The following LRRC4C variants were observed in gnomAD, a reference collection of about 807,000 sequenced individuals.
The protein encoded by LRRC4C is leucine-rich repeat-containing protein 4C.
LRRC4C carries 5 observed loss-of-function variants against 33.6 expected under a neutral mutation model. The observed-to-expected ratio is 0.15, with a 90% CI of 0.08 to 0.31. LRRC4C has a LOEUF of 0.31. Ranked by LOEUF, LRRC4C falls within the 10% of genes least tolerant of loss-of-function variation. The pLI, the probability that LRRC4C is intolerant of heterozygous loss-of-function variation, is 1.00. For missense variants in LRRC4C, 560 were observed against 796.7 expected (o/e 0.70, Z 3.58); for synonymous variants, 329 against 302.0 (o/e 1.09, Z -0.93).
rs183405675 is a variant in LRRC4C, at chr11:41,418,914, C to A, written c.-496+40517G>T. On this transcript the variant is annotated intron_variant, in intron 1 of 6. Transcript: ENST00000528697. ...GTATGAATTTTAAATATTACCTTCACAAGTGAAAGTAGAGGAAAGCTGGTA... is the reference window on the plus strand; with the variant it reads ...GTATGAATTTTAAATATTACCTTCAAAAGTGAAAGTAGAGGAAAGCTGGTA... Among the ~76,000 whole-genome samples the A allele has an allele frequency of 2.6e-4, 39 of 151,820 alleles. 1 individual carries two copies. The highest frequency in any genetic ancestry group is 2.0e-3 in the Admixed American group (30 of 15,194).
chr11:40,224,976 C>T (rs1799275267), intron 5 of LRRC4C, among the ~76,000 whole-genome samples: 2 of 152,134 alleles, frequency 1.3e-5, no homozygotes. Context: ...AGAGTTACTA[C>T]AATAACCCAT....
At chr11:40,716,221 T>C (rs1323577585) in intron 2 of LRRC4C, among the ~76,000 whole-genome samples, 1 of 152,184 alleles carries the variant, frequency 6.6e-6, no homozygotes, top group African/African-American at 2.4e-5. Context: ...TGGAGAAAGA[T>C]AGGCATGGGT....
intron 2 of LRRC4C, among the ~76,000 whole-genome samples, chr11:40,827,231 T>A (rs907162317): frequency 6.6e-6 from 1 of 151,876 alleles, no homozygotes; most frequent in African/African-American, 2.4e-5. Context: ...TCCATTTTAG[T>A]TGTATAAATG....
chr11:40,952,894 ACACTCTCTCTCT>A (rs1387727952), intron 1 of LRRC4C, among the ~76,000 whole-genome samples: 547 of 51,046 alleles, frequency 0.011, 2 homozygotes, highest in African/African-American at 0.025. Flanking sequence ...ACACACACAC[ACACTCTCTCTCT>A]CTCTCTCTCT....
chr11:41,069,283 G>A lies in LRRC4C; in HGVS notation c.-495-135560C>T, dbSNP rs1049847045. 6.2e-4 allele frequency among the ~76,000 whole-genome samples: 95 copies of A among 152,082 alleles called. 1 individual carries two copies. The highest frequency in any genetic ancestry group is 3.1e-4 in the Non-Finnish European group (21 of 68,032). Reference sequence around the variant, plus strand: ...TGGAACATATCTCCAAATAATACAAGCTATTTATGACAAACCCATAGCCAT... The same window carrying A: ...TGGAACATATCTCCAAATAATACAAACTATTTATGACAAACCCATAGCCAT... On this transcript the variant is annotated intron_variant, in intron 1 of 6. Transcript: ENST00000528697.
chr11:40,386,685 G>A (rs1009226896), intron 3 of LRRC4C, among the ~76,000 whole-genome samples: 7 of 151,444 alleles, frequency 4.6e-5, no homozygotes, highest in Non-Finnish European at 8.8e-5. Context: ...AGCTTTCTTC[G>A]CTTTTATTTT....
At chr11:40,837,997 T>C (rs1170499828) in intron 2 of LRRC4C, among the ~76,000 whole-genome samples, 1 of 152,136 alleles carries the variant, frequency 6.6e-6, no homozygotes, top group African/African-American at 2.4e-5. Context: ...AATAACACAT[T>C]TAATTAAATG....
chr11:40,561,464 T>C (rs1957546875), intron 3 of LRRC4C, among the ~76,000 whole-genome samples: 1 of 145,188 alleles, frequency 6.9e-6, no homozygotes, highest in Non-Finnish European at 1.5e-5. Flanking sequence ...CCAGGCTGGA[T>C]TGTAGTGGCG....
In LRRC4C at chr11:40,480,438, A is replaced by G. The variant is rs570213401; in HGVS notation, c.-269-160717T>C. On this transcript the variant is annotated intron_variant, in intron 3 of 6. Coordinates refer to ENST00000528697, the MANE Select transcript of LRRC4C (RefSeq NM_001258419.2). ...AGTGGGAGCTGAACGGTGAGTACAC[A>G]TGGACACAAAGAAGGGAACAACTAA... 8.3e-4 allele frequency among the ~76,000 whole-genome samples: 126 copies of G among 152,196 alleles called. 1 individual carries two copies. The highest frequency in any genetic ancestry group is 2.7e-3 in the African/African-American group (114 of 41,554).
At chr11:40,664,959 G>A (rs968005898) in intron 2 of LRRC4C, among the ~76,000 whole-genome samples, 8 of 138,204 alleles carry the variant, frequency 5.8e-5, no homozygotes, top group Admixed American at 8.0e-5. Flanking sequence ...AGTGTGTGAT[G>A]TTCCCCTTCT....
intron 3 of LRRC4C, among the ~76,000 whole-genome samples, chr11:40,613,057 G>T (rs1436364841): frequency 6.6e-6 from 1 of 151,852 alleles, no homozygotes; most frequent in Non-Finnish European, 1.5e-5. Flanking sequence ...GCTGGTGGAG[G>T]GTCTTGCCTC....
At chr11:40,311,355 C>T (rs951313788) in intron 4 of LRRC4C, among the ~76,000 whole-genome samples, 2 of 152,138 alleles carry the variant, frequency 1.3e-5, no homozygotes, top group Middle Eastern at 3.2e-3. Flanking sequence ...AGCATTTATC[C>T]TCCTGGGTAA....
intron 4 of LRRC4C, among the ~76,000 whole-genome samples, chr11:40,279,855 A>G (rs1427092419): frequency 6.6e-6 from 1 of 152,238 alleles, no homozygotes; most frequent in Non-Finnish European, 1.5e-5. Flanking sequence ...GGCATTTATT[A>G]GTATTACTTA....
intron 1 of LRRC4C, among the ~76,000 whole-genome samples, chr11:41,154,607 TTTC>T (rs1481639237): frequency 6.6e-6 from 1 of 152,156 alleles, no homozygotes; most frequent in African/African-American, 2.4e-5. Flanking sequence ...AAATGCATAC[TTTC>T]TTCTTTTTCA....
intron 1 of LRRC4C, among the ~76,000 whole-genome samples, chr11:41,344,063 T>C (rs535207190): frequency 7.2e-5 from 11 of 152,178 alleles, no homozygotes; most frequent in Admixed American, 2.0e-4. Flanking sequence ...ACAAATGCCT[T>C]TGATTCGTTT....
chr11:41,216,976 A>C lies in LRRC4C; in HGVS notation c.-496+242455T>G, dbSNP rs561653493. The stretch of plus-strand genomic sequence containing the variant: ...TTTAGATGATATGACCAAGGCTCTG[A>C]GAGATTAAAAGAAACGGGTCATGAG... On this transcript the variant is annotated intron_variant, in intron 1 of 6. Coordinates refer to ENST00000528697, the MANE Select transcript of LRRC4C (RefSeq NM_001258419.2). Among the ~76,000 whole-genome samples the C allele has an allele frequency of 8.5e-5, 13 of 152,318 alleles. No individual in the cohort carries two copies. The East Asian group carries it at 2.5e-3, about 29-fold the overall frequency.
At chr11:40,667,208 A>G (rs1288709331) in intron 2 of LRRC4C, among the ~76,000 whole-genome samples, 1 of 152,218 alleles carries the variant, frequency 6.6e-6, no homozygotes, top group African/African-American at 2.4e-5. Context: ...ATAAGGGGGA[A>G]ATAAGCAAAC....
At position 40,124,486 on chromosome 11, in the gene LRRC4C, G is replaced by A. The variant is rs544187360; in HGVS notation, c.-42-8152C>T. The stretch of plus-strand genomic sequence containing the variant: ...GTTCTATTCAGCTGTAAAAAAGAAT[G>A]AGAAACTATCACTTGCAACAACATG... On this transcript the variant is annotated intron_variant, in intron 6 of 6. Transcript: ENST00000528697. Among the ~76,000 whole-genome samples, 273 of 152,300 alleles carry A rather than the reference G, an allele frequency of 1.8e-3. 1 individual carries two copies. Among genetic ancestry groups the A allele is most frequent in the Non-Finnish European group, 3.2e-3 (218 of 68,010 alleles).
intron 1 of LRRC4C, among the ~76,000 whole-genome samples, chr11:40,961,447 T>A (rs528488180): frequency 1.3e-5 from 2 of 151,860 alleles, no homozygotes; most frequent in East Asian, 3.9e-4. Context: ...ATAAAAGTAT[T>A]GCAAACTTCC....
Sources: allele counts gnomAD v4.1 joint callset (sites outside exome capture counted in the v4.1 genomes callset), GRCh38; gene constraint gnomAD v4.1.1; transcripts MANE v1.5; gene names NCBI Gene and HGNC (gene_info 2026-07-23, HGNC 2026-07-21).